IL1RL1: variants seen among roughly 807,000 people sequenced by gnomAD.
IL1RL1 encodes interleukin 1 receptor like 1, also known as interleukin-1 receptor-like 1.
In IL1RL1, 32 loss-of-function variants were observed where a neutral mutation model predicts 50.9. The ratio of observed to expected loss-of-function variants is 0.63; its 90% CI spans 0.47 to 0.84. The LOEUF (loss-of-function observed/expected upper bound fraction) is 0.84, where lower values mean the gene tolerates loss of function less well. IL1RL1 is among the 40% of genes least tolerant of loss of function. IL1RL1 has a pLI of 0.00. For synonymous variants in IL1RL1, 275 were observed against 236.0 expected (o/e 1.17, Z -1.51); for missense variants, 773 against 662.9 (o/e 1.17, Z -1.82).
intron 1 of IL1RL1, among the ~76,000 whole-genome samples, chr2:102,334,440 C>G (rs1677254781): frequency 6.6e-6 from 1 of 152,086 alleles, no homozygotes; most frequent in African/African-American, 2.4e-5. Context: ...AGCTGGGGGG[C>G]CCAGCATATT....
intron 8 of IL1RL1, chr2:102,345,436 G>C (rs772299753): frequency 2.0e-6 from 2 of 985,074 alleles, no homozygotes; most frequent in East Asian, 1.1e-4. Flanking sequence ...CTCCTCAGGG[G>C]CTGTACAATC....
chr2:102,336,967 C>A (rs1020993202), intron 1 of IL1RL1, among the ~76,000 whole-genome samples: 5 of 152,138 alleles, frequency 3.3e-5, no homozygotes, highest in African/African-American at 7.2e-5. Context: ...TCCCCGATGT[C>A]AAGACCATTT....
chr2:102,343,159 A>G lies in IL1RL1; in HGVS notation c.806A>G (p.Glu269Gly). 6.2e-7 allele frequency: 1 copy of G among 1,614,172 alleles called. No homozygotes were observed. The highest frequency in any genetic ancestry group is 8.5e-7 in the Non-Finnish European group (1 of 1,180,020). ...TDFGEPRIQQ[E>G]EGQNQSFSNG... is the part of the protein sequence containing the mutation. ...TTTGGTGAACCAAGAATTCAACAAGAGGAAGGGCAAAATCAAAGGTATTTT... is the reference window on the plus strand; with the variant it reads ...TTTGGTGAACCAAGAATTCAACAAGGGGAAGGGCAAAATCAAAGGTATTTT... The change falls in exon 7 of 11, where the codon GAG becomes GGG. Residue 269 changes from glutamate (E) to glycine (G), a missense_variant. Glu to Gly is a moderately conservative substitution (Grantham distance 98). Coordinates refer to ENST00000233954, the MANE Select transcript of IL1RL1 (RefSeq NM_016232.5).
rs1226677494 is a variant in IL1RL1 at position 102,348,345 on chromosome 2, G to A, written c.1117+254G>A. Among the ~76,000 whole-genome samples, 8 of 152,278 alleles carry A rather than the reference G, an allele frequency of 5.3e-5. 1 individual carries two copies. In the East Asian group the frequency reaches 1.5e-3, roughly 29 times the overall value. On this transcript the variant is annotated intron_variant, in intron 9 of 10. Transcript: ENST00000233954. Reference sequence around the variant, plus strand: ...CCGATAGGATTGCTATTCCTACTGAGTTCCCAATAACAGAATCTGCCCCAA... The same window carrying A: ...CCGATAGGATTGCTATTCCTACTGAATTCCCAATAACAGAATCTGCCCCAA...
chr2:102,328,696 A>G (rs2104972290), intron 1 of IL1RL1, among the ~76,000 whole-genome samples: 1 of 152,366 alleles, frequency 6.6e-6, no homozygotes. Context: ...TTATACACCA[A>G]TAACAGACAA....
chr2:102,315,466 C>T (rs13020793), intron 1 of IL1RL1, among the ~76,000 whole-genome samples: 72,769 of 152,000 alleles, frequency 0.48, 17,718 homozygotes, highest in Middle Eastern at 0.63. Context: ...AAATCAGAGT[C>T]TCTTGATGCC....
intron 1 of IL1RL1, among the ~76,000 whole-genome samples, chr2:102,322,370 G>A (rs1676860875): frequency 6.6e-6 from 1 of 152,180 alleles, no homozygotes; most frequent in Non-Finnish European, 1.5e-5. Flanking sequence ...TAAATTCAGA[G>A]CGGAAACTTA....
At chr2:102,319,985 A>G (rs1471030420) in intron 1 of IL1RL1, among the ~76,000 whole-genome samples, 1 of 152,152 alleles carries the variant, frequency 6.6e-6, no homozygotes, top group Non-Finnish European at 1.5e-5. Context: ...CATCACTCCC[A>G]GCCCTTTCTT....
At chr2:102,320,109 T>A (rs1322337790) in intron 1 of IL1RL1, among the ~76,000 whole-genome samples, 1 of 152,262 alleles carries the variant, frequency 6.6e-6, no homozygotes, top group Non-Finnish European at 1.5e-5. Flanking sequence ...GGTTTTGTCC[T>A]GCATTATTTT....
chr2:102,327,027 C>T lies in IL1RL1; in HGVS notation c.-149-11089C>T, dbSNP rs187816815. On this transcript the variant is annotated intron_variant, in intron 1 of 10. Coordinates refer to ENST00000233954, the MANE Select transcript of IL1RL1 (RefSeq NM_016232.5). ...ACCTAATAGACATCTACAGAACTCTCCACCCAAAATCAACAGAATATACAT... is the reference window on the plus strand; with the variant it reads ...ACCTAATAGACATCTACAGAACTCTTCACCCAAAATCAACAGAATATACAT... Among the ~76,000 whole-genome samples the T allele has an allele frequency of 4.8e-3, 728 of 152,288 alleles. 5 individuals carry two copies. Among genetic ancestry groups the T allele is most frequent in the South Asian group, 6.6e-3 (32 of 4,820 alleles).
chr2:102,314,669 G>A (rs1163255976), intron 1 of IL1RL1, among the ~76,000 whole-genome samples: 2 of 152,176 alleles, frequency 1.3e-5, no homozygotes, highest in Non-Finnish European at 2.9e-5. Flanking sequence ...ATAGGTGAGT[G>A]ACAACTATCT....
Position 102,338,862 on chromosome 2 carries a change from T to C in IL1RL1, c.87T>C (p.Asn29=). The C allele has an allele frequency of 6.2e-7, 1 of 1,613,216 alleles. No homozygotes were observed. Among genetic ancestry groups the C allele is most frequent in the Non-Finnish European group, 8.5e-7 (1 of 1,179,282 alleles). ...KFSKQSWGLE[N]EALIVRCPRQ... Reference sequence around the variant, plus strand: ...GTAAACAATCATGGGGCCTGGAAAATGAGGCTTTAATTGTAAGATGTCCTA... The same window carrying C: ...GTAAACAATCATGGGGCCTGGAAAACGAGGCTTTAATTGTAAGATGTCCTA... The change falls in exon 3 of 11, where the codon AAT becomes AAC. Residue 29 remains asparagine, a synonymous_variant. Coordinates refer to ENST00000233954, the MANE Select transcript of IL1RL1 (RefSeq NM_016232.5).
chr2:102,336,279 C>G (rs1677323251), intron 1 of IL1RL1, among the ~76,000 whole-genome samples: 1 of 152,180 alleles, frequency 6.6e-6, no homozygotes, highest in South Asian at 2.1e-4. Flanking sequence ...TGCTTAATCT[C>G]TCTGTGCCTC....
At chr2:102,343,730 A>C in intron 8 of IL1RL1, 1 of 1,266,432 alleles carries the variant, frequency 7.9e-7, no homozygotes, top group Non-Finnish European at 1.0e-6. Context: ...TGTATGTGAA[A>C]GGAAATGCAC....
chr2:102,323,247 T>TTATATATATA lies in IL1RL1; in HGVS notation c.-150+11641_-150+11650dup, dbSNP rs371889389. On this transcript the variant is annotated intron_variant, in intron 1 of 10. Coordinates refer to ENST00000233954, the MANE Select transcript of IL1RL1 (RefSeq NM_016232.5). ...ATGTTCTTTAACTTTTTGTTAGGTT[T>TTATATATATA]TATATATATATATATATATATATAT... Among the ~76,000 whole-genome samples, 155 of 98,656 alleles carry TTATATATATA rather than the reference T, an allele frequency of 1.6e-3. 1 individual carries two copies. Among genetic ancestry groups the TTATATATATA allele is most frequent in the African/African-American group, 5.5e-3 (146 of 26,668 alleles). The allele number at this position is 98,656 out of a possible 152,430, so 64.7% of individuals were successfully genotyped here.
intron 1 of IL1RL1, among the ~76,000 whole-genome samples, chr2:102,336,827 T>C (rs1193389979): frequency 6.6e-6 from 1 of 152,192 alleles, no homozygotes; most frequent in Non-Finnish European, 1.5e-5. Flanking sequence ...TGCTGCTTAC[T>C]TCGCATTTCC....
intron 1 of IL1RL1, among the ~76,000 whole-genome samples, chr2:102,330,903 T>C (rs547741324): frequency 3.9e-5 from 6 of 152,348 alleles, no homozygotes; most frequent in African/African-American, 7.2e-5. Flanking sequence ...TTCTGTTATG[T>C]AATACAATCC....
intron 1 of IL1RL1, among the ~76,000 whole-genome samples, chr2:102,319,768 A>G (rs985665996): frequency 6.6e-6 from 1 of 152,152 alleles, no homozygotes; most frequent in African/African-American, 2.4e-5. Context: ...GGCTCATTGC[A>G]GCCTTGACCT....
chr2:102,311,946 A>AT (rs1354954795), intron 1 of IL1RL1, among the ~76,000 whole-genome samples: 2 of 42,910 alleles, frequency 4.7e-5, no homozygotes, highest in African/African-American at 1.2e-4. Context: ...ATATAATATT[A>AT]TATATAATAT....
Sources: allele counts gnomAD v4.1 joint callset (sites outside exome capture counted in the v4.1 genomes callset), GRCh38; gene constraint gnomAD v4.1.1; transcripts MANE v1.5; gene names NCBI Gene and HGNC (gene_info 2026-07-23, HGNC 2026-07-21).